Variants in CDIN1 observed in about 807,000 individuals in gnomAD.
The protein encoded by CDIN1 is CDAN1-interacting nuclease 1.
CDIN1 carries 33 observed loss-of-function variants against 45.3 expected under a neutral mutation model. The ratio of observed to expected loss-of-function variants is 0.73; its 90% CI spans 0.55 to 0.97. The LOEUF (loss-of-function observed/expected upper bound fraction) is 0.97. Ranked by LOEUF, CDIN1 falls within the 50% of genes least tolerant of loss-of-function variation. The probability of loss-of-function intolerance (pLI) is 0.00; values close to 1 mark genes in which losing one functional copy is unlikely to be tolerated. For synonymous variants in CDIN1, 118 were observed against 124.4 expected, an observed-to-expected ratio of 0.95 and a Z score of 0.34; for missense variants, 303 against 339.4, an observed-to-expected ratio of 0.89 and a Z score of 0.84.
chr15:36,792,769 A>G (rs1368868794), intron 10 of CDIN1, among the ~76,000 whole-genome samples: 1 of 152,114 alleles, frequency 6.6e-6, no homozygotes, highest in Non-Finnish European at 1.5e-5. Context: ...AAGAAAGAGG[A>G]TCACCCTCAG....
intron 8 of CDIN1, among the ~76,000 whole-genome samples, chr15:36,702,313 C>G (rs1028023566): frequency 6.6e-6 from 1 of 152,190 alleles, no homozygotes; most frequent in Admixed American, 6.5e-5. Context: ...GAGAGACTTT[C>G]TTACTTACTC....
chr15:36,749,002 G>A (rs980364641), intron 10 of CDIN1, among the ~76,000 whole-genome samples: 1 of 152,162 alleles, frequency 6.6e-6, no homozygotes, highest in Admixed American at 6.5e-5. Context: ...GCACAGAGAC[G>A]GCCACGTGAT....
chr15:36,774,338 T>C (rs1020667014), intron 10 of CDIN1, among the ~76,000 whole-genome samples: 1 of 152,128 alleles, frequency 6.6e-6, no homozygotes, highest in African/African-American at 2.4e-5. Context: ...TGGTTGTTTT[T>C]TTCCCCCAAT....
intron 10 of CDIN1, among the ~76,000 whole-genome samples, chr15:36,764,277 C>T (rs1176459270): frequency 2.8e-5 from 4 of 145,082 alleles, no homozygotes; most frequent in Non-Finnish European, 6.0e-5. Context: ...AATCCTGTAG[C>T]ACCTGTATTT....
Position 36,654,102 on chromosome 15 carries a change from C to A in CDIN1, c.217C>A (p.Leu73Met), listed in dbSNP as rs3784678. 1.4e-5 allele frequency: 22 copies of A among 1,575,886 alleles called. No individual in the cohort carries two copies. Among genetic ancestry groups the A allele is most frequent in the East Asian group, 2.3e-5 (1 of 43,602 alleles). Residue 73 changes from leucine (L) to methionine (M), a missense_variant, in exon 4 of 11, where the codon CTG becomes ATG. Transcript: ENST00000566621. ...EAIESYYQRY[L>M]NGVVKNGAAP... ...ACTTGGCTTTGTCTTGTCTAGGTAC[C>A]TGAATGGAGTGGTGAAAAATGGAGC...
At chr15:36,597,425 C>CA (rs1466308379) in intron 1 of CDIN1, among the ~76,000 whole-genome samples, 1 of 152,194 alleles carries the variant, frequency 6.6e-6, no homozygotes, top group Non-Finnish European at 1.5e-5. Flanking sequence ...TGCTGGCACT[C>CA]ACTTTCATAT....
intron 10 of CDIN1, among the ~76,000 whole-genome samples, chr15:36,763,516 C>G (rs900436610): frequency 1.3e-5 from 2 of 152,132 alleles, no homozygotes; most frequent in South Asian, 2.1e-4. Flanking sequence ...AATCCAGTTT[C>G]TCTAGGAACC....
chr15:36,687,158 AAGAG>A (rs1422830979), intron 5 of CDIN1, among the ~76,000 whole-genome samples: 1 of 152,122 alleles, frequency 6.6e-6, no homozygotes, highest in Admixed American at 6.6e-5. Flanking sequence ...AGGAGAAAGA[AAGAG>A]AATGATCAGC....
intron 10 of CDIN1, among the ~76,000 whole-genome samples, chr15:36,794,093 C>G (rs2054725327): frequency 1.6e-5 from 2 of 122,728 alleles, no homozygotes. Context: ...GAGTCTTGCT[C>G]TGTCACCCAG....
chr15:36,617,129 G>GT (rs1426211793), intron 1 of CDIN1: 1 of 955,206 alleles, frequency 1.0e-6, no homozygotes, highest in East Asian at 2.4e-5. Flanking sequence ...AAAGGAACTG[G>GT]TTTAAATCCT....
chr15:36,623,446 C>T (rs374942398), intron 1 of CDIN1, among the ~76,000 whole-genome samples: 10 of 152,206 alleles, frequency 6.6e-5, no homozygotes, highest in East Asian at 3.9e-4. Context: ...TTAACTTTAT[C>T]GAATGATGAA....
intron 10 of CDIN1, among the ~76,000 whole-genome samples, chr15:36,784,170 T>C (rs537831930): frequency 6.6e-6 from 1 of 152,204 alleles, no homozygotes; most frequent in Admixed American, 6.5e-5. Context: ...CTCAATCCTA[T>C]GATTTTATAA....
At chr15:36,704,654 T>C (rs1433466837) in intron 8 of CDIN1, 2 of 152,056 alleles carry the variant, frequency 1.3e-5, no homozygotes, top group Non-Finnish European at 2.9e-5. Context: ...ACATGTCTTT[T>C]TGCCCTCCCC....
chr15:36,754,780 G>A (rs1349528017), intron 10 of CDIN1, among the ~76,000 whole-genome samples: 1 of 152,104 alleles, frequency 6.6e-6, no homozygotes, highest in Non-Finnish European at 1.5e-5. Flanking sequence ...CTAGAGAACA[G>A]TATTAACAAT....
intron 10 of CDIN1, among the ~76,000 whole-genome samples, chr15:36,784,623 T>G (rs548234969): frequency 6.6e-6 from 1 of 152,356 alleles, no homozygotes; most frequent in South Asian, 2.1e-4. Flanking sequence ...GGATAAAATC[T>G]CCACACTTCA....
intron 10 of CDIN1, chr15:36,747,167 T>C (rs941781340): frequency 7.6e-6 from 3 of 393,268 alleles, no homozygotes; most frequent in Non-Finnish European, 1.3e-5. Context: ...TTTCCTCATC[T>C]TAAACAATAA....
At chr15:36,652,348 A>G (rs2040605448) in intron 3 of CDIN1, among the ~76,000 whole-genome samples, 1 of 152,194 alleles carries the variant, frequency 6.6e-6, no homozygotes, top group African/African-American at 2.4e-5. Context: ...AAACTGAAGT[A>G]GAAAGCTGTA....
chr15:36,598,490 G>A (rs1416455444), intron 1 of CDIN1, among the ~76,000 whole-genome samples: 1 of 151,730 alleles, frequency 6.6e-6, no homozygotes, highest in Non-Finnish European at 1.5e-5. Flanking sequence ...AAGCCCTATT[G>A]ACCTTGCCTT....
chr15:36,770,898 G>A lies in CDIN1; in HGVS notation c.717-37426G>A, dbSNP rs549442281. On this transcript the variant is annotated intron_variant, in intron 10 of 10. Transcript: ENST00000566621. The stretch of plus-strand genomic sequence containing the variant: ...AGCTATAAAAATGCTGCTGCCCAGC[G>A]AGATGCCACATTATGTGAATGAGCA... Among the ~76,000 whole-genome samples the A allele has an allele frequency of 5.4e-4, 82 of 152,302 alleles. No homozygotes were observed. In the South Asian group the frequency reaches 0.017, roughly 31 times the overall value.
Sources: allele counts gnomAD v4.1 joint callset (sites outside exome capture counted in the v4.1 genomes callset), GRCh38; gene constraint gnomAD v4.1.1; transcripts MANE v1.5; gene names NCBI Gene and HGNC (gene_info 2026-07-23, HGNC 2026-07-21).